Variants in FAF1 observed in about 807,000 individuals in gnomAD.
The protein encoded by FAF1 is Fas associated factor 1, also known as FAS-associated factor 1.
A neutral mutation model predicts 92.5 loss-of-function variants in FAF1; 25 were observed. The observed-to-expected ratio is 0.27, with a 90% CI of 0.20 to 0.38. The LOEUF (loss-of-function observed/expected upper bound fraction) is 0.38. Among genes scored for constraint, FAF1 ranks in the 10% least tolerant of loss-of-function variants. The probability of loss-of-function intolerance (pLI) is 1.00; values close to 1 mark genes in which losing one functional copy is unlikely to be tolerated. For synonymous variants in FAF1, 234 were observed against 273.2 expected (o/e 0.86, Z 1.42); for missense variants, 636 against 793.3 (o/e 0.80, Z 2.38).
intron 4 of FAF1, among the ~76,000 whole-genome samples, chr1:50,768,845 A>G (rs1660673869): frequency 6.6e-6 from 1 of 152,188 alleles, no homozygotes; most frequent in African/African-American, 2.4e-5. Context: ...AAGACCTCAA[A>G]TTAACAATCT....
intron 2 of FAF1, among the ~76,000 whole-genome samples, chr1:50,854,159 T>C (rs1461367521): frequency 6.6e-6 from 1 of 152,016 alleles, no homozygotes; most frequent in Admixed American, 6.6e-5. Flanking sequence ...ACACAAGCCA[T>C]ATAGATTTTT....
chr1:50,488,310 TA>T (rs1462347006), intron 17 of FAF1, among the ~76,000 whole-genome samples: 2 of 152,234 alleles, frequency 1.3e-5, no homozygotes, highest in African/African-American at 4.8e-5. Context: ...GATGGGCTTT[TA>T]TCTACATTTG....
At chr1:50,629,405 G>C (rs1413065647) in intron 8 of FAF1, among the ~76,000 whole-genome samples, 6 of 152,094 alleles carry the variant, frequency 3.9e-5, no homozygotes, top group African/African-American at 1.4e-4. Context: ...CTGACCTCAA[G>C]TGATCTGCCT....
chr1:50,836,458 G>A (rs1644206389), intron 2 of FAF1, among the ~76,000 whole-genome samples: 2 of 152,074 alleles, frequency 1.3e-5, no homozygotes, highest in African/African-American at 4.8e-5. Context: ...TAATGTTAGG[G>A]ACAAAAATTG....
intron 2 of FAF1, among the ~76,000 whole-genome samples, chr1:50,808,290 C>G (rs556144891): frequency 6.6e-6 from 1 of 152,134 alleles, no homozygotes; most frequent in African/African-American, 2.4e-5. Context: ...AAGACTAATA[C>G]AGGCCATCAT....
intron 4 of FAF1, among the ~76,000 whole-genome samples, chr1:50,745,895 C>G (rs1488445160): frequency 6.6e-6 from 1 of 151,968 alleles, no homozygotes; most frequent in East Asian, 1.9e-4. Context: ...GTGCAGAGAG[C>G]TCAGAAGACA....
At chr1:50,831,805 C>CAAAAAAA (rs1157102526) in intron 2 of FAF1, among the ~76,000 whole-genome samples, 1 of 81,724 alleles carries the variant, frequency 1.2e-5, no homozygotes. Context: ...TTATCAGAGA[C>CAAAAAAA]AAAAAAAAAA....
chr1:50,615,558 T>C (rs955025168), intron 8 of FAF1, among the ~76,000 whole-genome samples: 5 of 152,246 alleles, frequency 3.3e-5, no homozygotes, highest in African/African-American at 1.2e-4. Context: ...CTTTTTAATA[T>C]AGTCATTTTG....
chr1:50,732,475 G>A (rs1273097826), intron 6 of FAF1, among the ~76,000 whole-genome samples: 1 of 152,114 alleles, frequency 6.6e-6, no homozygotes, highest in African/African-American at 2.4e-5. Flanking sequence ...ATACAAGCCT[G>A]CAATTGTCAT....
intron 7 of FAF1, among the ~76,000 whole-genome samples, chr1:50,692,241 CTGTGTGTGTGTGTG>C (rs59187392): frequency 2.1e-3 from 276 of 129,084 alleles, no homozygotes; most frequent in Admixed American, 2.7e-3. Flanking sequence ...GAAGTATTTA[CTGTGTGTGTGTGTG>C]TGTGTGTGTG....
intron 1 of FAF1, among the ~76,000 whole-genome samples, chr1:50,897,601 C>G (rs72904745): frequency 0.066 from 10,034 of 152,200 alleles, 409 homozygotes; most frequent in East Asian, 0.094. Context: ...AAATGGCTGA[C>G]AGTGTAAATG....
chr1:50,587,184 C>A (rs566460658), intron 9 of FAF1, among the ~76,000 whole-genome samples: 1 of 152,302 alleles, frequency 6.6e-6, no homozygotes, highest in East Asian at 1.9e-4. Context: ...AATACATTAG[C>A]TCCTTCTATA....
chr1:50,904,609 TCCTA>T (rs1224545712), intron 1 of FAF1, among the ~76,000 whole-genome samples: 2 of 152,348 alleles, frequency 1.3e-5, no homozygotes, highest in South Asian at 2.1e-4. Flanking sequence ...GCTGAGATTT[TCCTA>T]CCTATGTCAT....
Position 50,458,148 on chromosome 1 carries a change from G to A in FAF1, c.1870-16625C>T, listed in dbSNP as rs531015710. 2.3e-4 allele frequency among the ~76,000 whole-genome samples: 35 copies of A among 152,128 alleles called. 1 individual carries two copies. Among genetic ancestry groups the A allele is most frequent in the African/African-American group, 7.5e-4 (31 of 41,494 alleles). ...GAATTGCTTAAACCTGGGAGGCAGA[G>A]GTTGCAGTGAGCTGAGATTGAGCCA... is the stretch of plus-strand genomic sequence containing the variant. On this transcript the variant is annotated intron_variant, in intron 18 of 18. Transcript: ENST00000396153.
intron 2 of FAF1, among the ~76,000 whole-genome samples, chr1:50,849,974 G>A (rs1644334386): frequency 6.6e-6 from 1 of 152,126 alleles, no homozygotes; most frequent in South Asian, 2.1e-4. Context: ...CTCTTTAAAT[G>A]CAGAATTGTG....
intron 7 of FAF1, among the ~76,000 whole-genome samples, chr1:50,659,874 T>C (rs796673205): frequency 1.4e-4 from 22 of 152,338 alleles, no homozygotes; most frequent in African/African-American, 3.4e-4. Context: ...AGAAAATATA[T>C]AAATCAGGTT....
intron 18 of FAF1, among the ~76,000 whole-genome samples, chr1:50,446,991 A>G (rs1372974777): frequency 7.7e-6 from 1 of 129,482 alleles, no homozygotes; most frequent in Non-Finnish European, 1.7e-5. Context: ...AATAATTTTC[A>G]TAGTAACTCC....
chr1:50,913,704 A>T (rs2124724918), intron 1 of FAF1, among the ~76,000 whole-genome samples: 1 of 152,328 alleles, frequency 6.6e-6, no homozygotes, highest in Non-Finnish European at 1.5e-5. Context: ...ATGAGAAGGA[A>T]AGAATTTGTC....
intron 1 of FAF1, among the ~76,000 whole-genome samples, chr1:50,892,023 G>A (rs187477501): frequency 5.3e-5 from 8 of 152,232 alleles, no homozygotes; most frequent in African/African-American, 9.6e-5. Flanking sequence ...GAGCTTCCCC[G>A]CCACTTTGTT....
Sources: gnomAD v4.1 joint callset for allele counts (sites outside exome capture counted in the v4.1 genomes callset) on GRCh38, gnomAD v4.1.1 for gene constraint, MANE v1.5 for transcripts, NCBI Gene and HGNC (gene_info 2026-07-23, HGNC 2026-07-21) for gene names.